Variants in GALNTL6 observed in about 807,000 individuals in gnomAD.
The protein encoded by GALNTL6 is polypeptide N-acetylgalactosaminyltransferase-like 6.
Under a neutral mutation model 73.7 loss-of-function variants are expected in GALNTL6, and 46 were observed. The ratio of observed to expected loss-of-function variants is 0.62; its 90% CI spans 0.49 to 0.80. The LOEUF (loss-of-function observed/expected upper bound fraction) is 0.80, where lower values mean the gene tolerates loss of function less well. GALNTL6 is among the 30% of genes least tolerant of loss of function. GALNTL6 has a pLI of 0.00. For synonymous variants in GALNTL6, 259 were observed against 263.7 expected (o/e 0.98, Z 0.17); for missense variants, 604 against 755.0 (o/e 0.80, Z 2.34).
At chr4:172,491,326 T>C (rs1013020715) in intron 5 of GALNTL6, among the ~76,000 whole-genome samples, 3 of 129,244 alleles carry the variant, frequency 2.3e-5, no homozygotes, top group Non-Finnish European at 4.9e-5. Flanking sequence ...TTTTTTTTAT[T>C]ATTTATTTAG....
intron 7 of GALNTL6, among the ~76,000 whole-genome samples, chr4:172,863,223 C>G (rs535530396): frequency 1.3e-5 from 2 of 152,344 alleles, no homozygotes; most frequent in East Asian, 3.9e-4. Context: ...AGACCCCACA[C>G]AGAGTCCCCA....
chr4:172,569,304 G>C (rs181093753), intron 5 of GALNTL6, among the ~76,000 whole-genome samples: 8 of 152,036 alleles, frequency 5.3e-5, no homozygotes, highest in Non-Finnish European at 1.2e-4. Flanking sequence ...GGGAGCTCTC[G>C]CAGGTCTCTT....
At chr4:172,312,755 G>A (rs1740406956) in intron 4 of GALNTL6, among the ~76,000 whole-genome samples, 1 of 152,068 alleles carries the variant, frequency 6.6e-6, no homozygotes, top group Non-Finnish European at 1.5e-5. Flanking sequence ...ATGGTTTGAA[G>A]GACTATTTTC....
At chr4:172,258,305 T>A (rs1194601410) in intron 3 of GALNTL6, among the ~76,000 whole-genome samples, 1 of 151,238 alleles carries the variant, frequency 6.6e-6, no homozygotes, top group Non-Finnish European at 1.5e-5. Flanking sequence ...TTTTCATTAG[T>A]ATGTTATTTT....
chr4:172,775,383 C>G (rs927013832), intron 5 of GALNTL6, among the ~76,000 whole-genome samples: 3 of 152,200 alleles, frequency 2.0e-5, no homozygotes, highest in East Asian at 1.9e-4. Flanking sequence ...TGTAACTGCA[C>G]CATTTTGAGA....
In GALNTL6 at chr4:172,603,810, C is replaced by G. The variant is rs1738157655; in HGVS notation, c.554-205551C>G. 1.3e-5 allele frequency among the ~76,000 whole-genome samples: 2 copies of G among 152,158 alleles called. 1 individual carries two copies. Among genetic ancestry groups the G allele is most frequent in the South Asian group, 4.1e-4 (2 of 4,820 alleles). On this transcript the variant is annotated intron_variant, in intron 5 of 12. Coordinates refer to ENST00000506823, the MANE Select transcript of GALNTL6 (RefSeq NM_001034845.3). ...TAGTGGCATGACTCATTATTCATCTCTTTCTAATTAGCACACACTATGGTG... is the reference window on the plus strand; with the variant it reads ...TAGTGGCATGACTCATTATTCATCTGTTTCTAATTAGCACACACTATGGTG...
chr4:172,540,863 G>A (rs940657798), intron 5 of GALNTL6, among the ~76,000 whole-genome samples: 9 of 152,154 alleles, frequency 5.9e-5, no homozygotes, highest in Non-Finnish European at 7.3e-5. Flanking sequence ...CATAGGAAGC[G>A]GACCAGCAGA....
intron 12 of GALNTL6, among the ~76,000 whole-genome samples, chr4:173,034,444 C>A (rs1753601533): frequency 6.6e-6 from 1 of 152,148 alleles, no homozygotes; most frequent in South Asian, 2.1e-4. Context: ...GGACTTTTTC[C>A]CCTTGCTCCA....
chr4:172,585,908 A>C (rs542017529), intron 5 of GALNTL6, among the ~76,000 whole-genome samples: 1 of 152,336 alleles, frequency 6.6e-6, no homozygotes, highest in South Asian at 2.1e-4. Context: ...ATATGAAAAA[A>C]AAGCTCATCA....
chr4:172,432,034 A>G (rs1055041448), intron 5 of GALNTL6, among the ~76,000 whole-genome samples: 17 of 152,126 alleles, frequency 1.1e-4, no homozygotes, highest in African/African-American at 3.6e-4. Flanking sequence ...TTTTACTAAT[A>G]AAAGTGTGAT....
At chr4:172,813,755 G>T in intron 7 of GALNTL6, 32 bp downstream of exon 7, 3 of 1,543,238 alleles carry the variant, frequency 1.9e-6, no homozygotes, top group Non-Finnish European at 2.7e-6. Context: ...GGCCGAGGGG[G>T]TGAGGGCAGG....
chr4:172,791,430 C>A (rs1308723039), intron 5 of GALNTL6, among the ~76,000 whole-genome samples: 1 of 152,166 alleles, frequency 6.6e-6, no homozygotes, highest in African/African-American at 2.4e-5. Flanking sequence ...AGATACACAG[C>A]TGGGTGCATG....
chr4:172,871,376 C>G (rs1744921527), intron 7 of GALNTL6, among the ~76,000 whole-genome samples: 2 of 152,234 alleles, frequency 1.3e-5, no homozygotes, highest in South Asian at 4.1e-4. Context: ...GGGTTACGTG[C>G]CCTCCTGTGT....
intron 2 of GALNTL6, among the ~76,000 whole-genome samples, chr4:171,991,122 G>GA (rs1452656706): frequency 4.0e-5 from 6 of 151,814 alleles, no homozygotes; most frequent in Non-Finnish European, 8.8e-5. Flanking sequence ...AAAGATCAAT[G>GA]AAAAAACAAT....
At chr4:172,655,966 T>C (rs1462619712) in intron 5 of GALNTL6, among the ~76,000 whole-genome samples, 1 of 152,100 alleles carries the variant, frequency 6.6e-6, no homozygotes, top group African/African-American at 2.4e-5. Flanking sequence ...TTGATAAACA[T>C]TAGTCAAAAA....
intron 2 of GALNTL6, among the ~76,000 whole-genome samples, chr4:171,846,001 A>C (rs1735358166): frequency 6.6e-6 from 1 of 152,164 alleles, no homozygotes; most frequent in African/African-American, 2.4e-5. Flanking sequence ...GTTTCAGTAT[A>C]CTTTGAGTTT....
intron 5 of GALNTL6, among the ~76,000 whole-genome samples, chr4:172,429,195 A>ATT (rs55787801): frequency 0.04 from 5,324 of 133,690 alleles, 319 homozygotes; most frequent in African/African-American, 0.092. Context: ...TTTATTTTAT[A>ATT]TTATTTTATT....
intron 2 of GALNTL6, among the ~76,000 whole-genome samples, chr4:172,012,437 A>T (rs983294584): frequency 1.3e-5 from 2 of 152,112 alleles, no homozygotes; most frequent in African/African-American, 2.4e-5. Flanking sequence ...TTCCTTTGTA[A>T]TATCACACTC....
At position 171,975,341 on chromosome 4, in the gene GALNTL6, G is replaced by A. The variant is rs778147701; in HGVS notation, c.138+160623G>A. Among the ~76,000 whole-genome samples, 4 of 152,068 alleles carry A rather than the reference G, an allele frequency of 2.6e-5. No homozygotes were observed. In the South Asian group the frequency reaches 8.3e-4, roughly 32 times the overall value. On this transcript the variant is annotated intron_variant, in intron 2 of 12. Transcript: ENST00000506823. Reference sequence around the variant, plus strand: ...CCTACTTATCATAATGGTTCTGCCTGAAAATAATTATTATGTGCCTACCAT... The same window carrying A: ...CCTACTTATCATAATGGTTCTGCCTAAAAATAATTATTATGTGCCTACCAT...
Sources: gnomAD v4.1 joint callset for allele counts (sites outside exome capture counted in the v4.1 genomes callset) on GRCh38, gnomAD v4.1.1 for gene constraint, MANE v1.5 for transcripts, NCBI Gene and HGNC (gene_info 2026-07-23, HGNC 2026-07-21) for gene names.